ADGRD1: variants seen among roughly 807,000 people sequenced by gnomAD.
ADGRD1 encodes G-protein coupled receptor 133.
A neutral mutation model predicts 113.4 loss-of-function variants in ADGRD1; 77 were observed. That is an observed-to-expected ratio of 0.68 (90% CI 0.57 to 0.82). The LOEUF (loss-of-function observed/expected upper bound fraction) is 0.82, where lower values mean the gene tolerates loss of function less well. ADGRD1 is among the 40% of genes least tolerant of loss of function. The probability of loss-of-function intolerance (pLI) is 0.00; values close to 1 mark genes in which losing one functional copy is unlikely to be tolerated. For missense variants in ADGRD1, 1,036 were observed against 1,139.1 expected (o/e 0.91, Z 1.30); for synonymous variants, 474 against 475.0 (o/e 1.00, Z 0.03).
At chr12:131,133,440 C>T (rs945132958) in intron 21 of ADGRD1, among the ~76,000 whole-genome samples, 2 of 152,214 alleles carry the variant, frequency 1.3e-5, no homozygotes, top group Non-Finnish European at 2.9e-5. Context: ...GTCCTCCAAG[C>T]GACAGGCTGG....
rs747769953 is a variant in ADGRD1, at chr12:130,998,204, AG to A, written c.967-2174del. ...GGAGACCGTGGGGAGAGGGAGGGGG[AG>A]GGGGAGAGGGAGAGGGAGAGCAGAA... On this transcript the variant is annotated intron_variant, in intron 8 of 24. Coordinates refer to ENST00000261654, the MANE Select transcript of ADGRD1 (RefSeq NM_198827.5). 2.8e-3 allele frequency among the ~76,000 whole-genome samples: 406 copies of A among 144,248 alleles called. 1 individual carries two copies. The highest frequency in any genetic ancestry group is 2.9e-3 in the Non-Finnish European group (191 of 66,098). The allele number at this position is 144,248 out of a possible 152,430, so 94.6% of individuals were successfully genotyped here.
At chr12:131,026,597 A>G (rs1170588158) in intron 13 of ADGRD1, 3 of 152,450 alleles carry the variant, frequency 2.0e-5, no homozygotes, top group Non-Finnish European at 4.4e-5. Context: ...TCTGGGGCTT[A>G]ATCTTCCAAG....
At chr12:131,124,306 C>T (rs1169183439) in intron 20 of ADGRD1, among the ~76,000 whole-genome samples, 1 of 152,204 alleles carries the variant, frequency 6.6e-6, no homozygotes, top group African/African-American at 2.4e-5. Context: ...TGGGTACACA[C>T]CCACATGTGA....
Position 131,140,198 on chromosome 12 carries a change from T to C in ADGRD1, c.*935T>C, listed in dbSNP as rs1408974218. 6.6e-6 allele frequency: 1 copy of C among 152,246 alleles called. No individual in the cohort carries two copies. Among genetic ancestry groups the C allele is most frequent in the Non-Finnish European group, 1.5e-5 (1 of 68,084 alleles). 9.4% of individuals were successfully genotyped at this position (152,246 alleles called of 1,614,324 possible). A position where few individuals can be genotyped will look rare whatever the true frequency, so the allele number is the denominator to read the frequency against. On this transcript the variant is annotated 3_prime_UTR_variant, in exon 25 of 25. Coordinates refer to ENST00000261654, the MANE Select transcript of ADGRD1 (RefSeq NM_198827.5). Reference sequence around the variant, plus strand: ...TGGAGGGCATTTTCCAGGGCACTGCTTTCCCCAGAGGCTTCCTCATGGCTC... The same window carrying C: ...TGGAGGGCATTTTCCAGGGCACTGCCTTCCCCAGAGGCTTCCTCATGGCTC...
intron 11 of ADGRD1, 95 bp from the exon 12 acceptor site, chr12:131,005,877 G>GGGCA: frequency 1.1e-6 from 1 of 943,124 alleles, no homozygotes; most frequent in Non-Finnish European, 1.7e-6. Context: ...TAGGAGTGAG[G>GGGCA]GGCAGCACCA....
At chr12:131,104,131 G>C (rs984020263) in intron 15 of ADGRD1, among the ~76,000 whole-genome samples, 18 of 152,228 alleles carry the variant, frequency 1.2e-4, no homozygotes, top group African/African-American at 3.9e-4. Context: ...CAGCAGACAC[G>C]GGTGCTGGCG....
intron 15 of ADGRD1, among the ~76,000 whole-genome samples, chr12:131,095,645 C>T (rs1887227216): frequency 6.6e-6 from 1 of 152,172 alleles, no homozygotes; most frequent in African/African-American, 2.4e-5. Context: ...CATAGCCCGG[C>T]CGAGGGATCG....
intron 2 of ADGRD1, among the ~76,000 whole-genome samples, chr12:130,955,959 T>C (rs4759811): frequency 0.28 from 43,197 of 152,014 alleles, 6,665 homozygotes; most frequent in East Asian, 0.57. Flanking sequence ...TGGCTAATTT[T>C]TGTATTTTTA....
chr12:131,039,658 C>T (rs1881913305), intron 13 of ADGRD1, among the ~76,000 whole-genome samples: 1 of 152,190 alleles, frequency 6.6e-6, no homozygotes, highest in Non-Finnish European at 1.5e-5. Context: ...GGGGCGCACC[C>T]ACCCGAACCC....
chr12:131,125,402 G>A (rs1011824281), intron 20 of ADGRD1, among the ~76,000 whole-genome samples: 1 of 152,148 alleles, frequency 6.6e-6, no homozygotes, highest in Non-Finnish European at 1.5e-5. Flanking sequence ...AGTGCCTCCA[G>A]GTCTGGGGAA....
At chr12:130,957,971 T>C (rs1224482991) in intron 2 of ADGRD1, 1 of 152,398 alleles carries the variant, frequency 6.6e-6, no homozygotes, top group Non-Finnish European at 1.5e-5. Context: ...CCTCCTTCCT[T>C]CCTTTTTAGA....
At chr12:131,089,106 C>T (rs1237934605) in intron 15 of ADGRD1, among the ~76,000 whole-genome samples, 1 of 152,192 alleles carries the variant, frequency 6.6e-6, no homozygotes, top group Non-Finnish European at 1.5e-5. Flanking sequence ...GCTGCAGCAA[C>T]TGTTACCAAA....
At chr12:131,095,910 T>A (rs973546740) in intron 15 of ADGRD1, among the ~76,000 whole-genome samples, 11 of 152,136 alleles carry the variant, frequency 7.2e-5, no homozygotes, top group African/African-American at 2.7e-4. Context: ...GGTTGAATTG[T>A]TTGTAAAGAT....
chr12:131,108,199 G>A (rs533046058), intron 17 of ADGRD1, among the ~76,000 whole-genome samples: 2 of 152,290 alleles, frequency 1.3e-5, no homozygotes, highest in South Asian at 4.1e-4. Context: ...TTCAGTTCTG[G>A]GTAACTACAA....
At chr12:131,030,827 G>A (rs1880634663) in intron 13 of ADGRD1, 1 of 152,230 alleles carries the variant, frequency 6.6e-6, no homozygotes, top group Admixed American at 6.5e-5. Context: ...AGGGCTCATC[G>A]CTTTGAATAC....
intron 4 of ADGRD1, chr12:130,977,108 C>T (rs1872408242): frequency 6.6e-6 from 1 of 152,156 alleles, no homozygotes; most frequent in African/African-American, 2.4e-5. Flanking sequence ...AGAACTGCTC[C>T]CCTGCACCCC....
intron 13 of ADGRD1, among the ~76,000 whole-genome samples, chr12:131,054,692 T>A (rs1423410460): frequency 6.6e-6 from 1 of 152,214 alleles, no homozygotes; most frequent in African/African-American, 2.4e-5. Context: ...GGCCCTCCAC[T>A]CCATGCAGCT....
intron 13 of ADGRD1, among the ~76,000 whole-genome samples, chr12:131,048,449 G>A (rs1883059532): frequency 6.6e-6 from 1 of 152,192 alleles, no homozygotes; most frequent in African/African-American, 2.4e-5. Context: ...CGGCCCAGAT[G>A]TGCAGAGGGG....
At chr12:130,993,909 C>T (rs1462445917) in intron 8 of ADGRD1, 1 of 157,702 alleles carries the variant, frequency 6.3e-6, no homozygotes, top group African/African-American at 2.4e-5. Flanking sequence ...TCGCCTTACC[C>T]TGGCACGTCC....
Sources: gnomAD v4.1 joint callset for allele counts (sites outside exome capture counted in the v4.1 genomes callset) on GRCh38, gnomAD v4.1.1 for gene constraint, MANE v1.5 for transcripts, NCBI Gene and HGNC (gene_info 2026-07-23, HGNC 2026-07-21) for gene names.